The following PAPSS1 variants were observed in gnomAD, a reference collection of about 807,000 sequenced individuals.
PAPSS1 encodes the protein 3'-phosphoadenosine 5'-phosphosulfate synthase 1, also known as bifunctional 3'-phosphoadenosine 5'-phosphosulfate synthase 1.
Under a neutral mutation model 72.0 loss-of-function variants are expected in PAPSS1, and 50 were observed. The observed-to-expected ratio is 0.69, with a 90% CI of 0.55 to 0.88. PAPSS1 has a LOEUF of 0.88. Ranked by LOEUF, PAPSS1 falls within the 40% of genes least tolerant of loss-of-function variation. PAPSS1 has a pLI of 0.00. For missense variants in PAPSS1, 657 were observed against 782.2 expected, an observed-to-expected ratio of 0.84 and a Z score of 1.91; for synonymous variants, 261 against 263.6, an observed-to-expected ratio of 0.99 and a Z score of 0.09.
At chr4:107,645,259 C>T (rs546501735) in intron 9 of PAPSS1, among the ~76,000 whole-genome samples, 189 bp from the exon 10 acceptor site, 1 of 149,138 alleles carries the variant, frequency 6.7e-6, no homozygotes, top group South Asian at 2.1e-4. Flanking sequence ...ATGACCTATA[C>T]TTCTACTATA....
intron 2 of PAPSS1, among the ~76,000 whole-genome samples, chr4:107,695,918 G>A (rs138260942): frequency 0.015 from 2,291 of 152,210 alleles, 52 homozygotes; most frequent in African/African-American, 0.053. Context: ...CAAAGGATAT[G>A]AACAGACACT....
At chr4:107,639,696 T>A (rs963201644) in intron 10 of PAPSS1, among the ~76,000 whole-genome samples, 8 of 152,210 alleles carry the variant, frequency 5.3e-5, no homozygotes, top group African/African-American at 1.7e-4. Context: ...AACTTAGGTG[T>A]CTATGGCTTG....
chr4:107,628,613 T>C (rs1244701693), intron 11 of PAPSS1, among the ~76,000 whole-genome samples: 1 of 152,230 alleles, frequency 6.6e-6, no homozygotes, highest in Non-Finnish European at 1.5e-5. Context: ...ATTATCTGTT[T>C]TGCTTGTTGT....
chr4:107,667,232 G>A (rs149937291), intron 5 of PAPSS1, among the ~76,000 whole-genome samples: 423 of 152,314 alleles, frequency 2.8e-3, no homozygotes, highest in Non-Finnish European at 4.2e-3. Context: ...GAGGTACTGG[G>A]GGCTGGGGGT....
chr4:107,699,568 C>T (rs554914981), intron 2 of PAPSS1, among the ~76,000 whole-genome samples: 9 of 152,170 alleles, frequency 5.9e-5, no homozygotes, highest in Admixed American at 1.3e-4. Context: ...GGATCTGTCC[C>T]TCACACTATA....
intron 5 of PAPSS1, among the ~76,000 whole-genome samples, chr4:107,669,123 T>C (rs9307311): frequency 0.85 from 128,863 of 152,172 alleles, 55,947 homozygotes; most frequent in South Asian, 0.97. Flanking sequence ...GTGATAACAA[T>C]GAAGTTAAAT....
intron 5 of PAPSS1, among the ~76,000 whole-genome samples, chr4:107,681,113 G>C (rs570044886): frequency 1.3e-5 from 2 of 152,206 alleles, no homozygotes; most frequent in African/African-American, 4.8e-5. Context: ...AGATACACTA[G>C]ATGAAAGAGG....
At chr4:107,638,655 C>T (rs1726451897) in intron 10 of PAPSS1, among the ~76,000 whole-genome samples, 1 of 151,570 alleles carries the variant, frequency 6.6e-6, no homozygotes, top group African/African-American at 2.4e-5. Flanking sequence ...TCTCTGCCCT[C>T]CCACTGATTA....
At chr4:107,683,844 T>C (rs1022026457) in intron 4 of PAPSS1, among the ~76,000 whole-genome samples, 3 of 152,090 alleles carry the variant, frequency 2.0e-5, no homozygotes, top group South Asian at 2.1e-4. Context: ...AGCTTTGAAA[T>C]AGAGTTGATA....
In PAPSS1 at chr4:107,654,710, G is replaced by T. The variant is rs1166403273; in HGVS notation, c.1086C>A (p.Asn362Lys). 2 of 1,612,522 alleles carry T rather than the reference G, an allele frequency of 1.2e-6. No individual in the cohort carries two copies. Among genetic ancestry groups the T allele is most frequent in the African/African-American group, 2.7e-5 (2 of 74,826 alleles). Reference protein sequence around the residue: ...CARQWGTTCKNHPYIKMVMEQ... With the variant: ...CARQWGTTCKKHPYIKMVMEQ... ...TTTTCAGCACCTTAATATAGGGGTG[G>T]TTCTTGCATGTCGTTCCCCACTGTC... The change falls in exon 8 of 12, where the codon AAC becomes AAA. Residue 362 changes from asparagine to lysine, a missense_variant. Transcript: ENST00000265174.
intron 5 of PAPSS1, among the ~76,000 whole-genome samples, chr4:107,679,297 T>C (rs1235579510): frequency 1.3e-5 from 2 of 151,862 alleles, no homozygotes; most frequent in African/African-American, 4.8e-5. Flanking sequence ...CAGGGAACAC[T>C]GAGGATGAAG....
intron 1 of PAPSS1, among the ~76,000 whole-genome samples, chr4:107,710,147 A>G (rs1723449035): frequency 6.6e-6 from 1 of 152,178 alleles, no homozygotes; most frequent in Non-Finnish European, 1.5e-5. Context: ...AGGGTTGAGA[A>G]TGAGTTACTT....
chr4:107,680,592 T>A (rs1420520736), intron 5 of PAPSS1, among the ~76,000 whole-genome samples: 1 of 152,194 alleles, frequency 6.6e-6, no homozygotes, highest in African/African-American at 2.4e-5. Flanking sequence ...TCTGTTTCTA[T>A]CACTTATAAT....
Position 107,720,039 on chromosome 4 carries a change from G to A in PAPSS1, c.60+81C>T, listed in dbSNP as rs540481425. ...CTGGAAGGATGGATGCGGAGGAGGC[G>A]GGAGAGAGGCGGCGGCTCCGGAACG... is the stretch of plus-strand genomic sequence containing the variant. On this transcript the variant is annotated intron_variant, in intron 1 of 11. Coordinates refer to ENST00000265174, the MANE Select transcript of PAPSS1 (RefSeq NM_005443.5). 18 of 1,569,712 alleles carry A rather than the reference G, an allele frequency of 1.1e-5. No homozygotes were observed. In the African/African-American group the frequency reaches 1.4e-4, roughly 12 times the overall value.
chr4:107,697,002 A>T (rs191896613), intron 2 of PAPSS1, among the ~76,000 whole-genome samples: 1 of 152,298 alleles, frequency 6.6e-6, no homozygotes, highest in East Asian at 1.9e-4. Context: ...TGACACGATG[A>T]TGTGTGACTA....
intron 10 of PAPSS1, among the ~76,000 whole-genome samples, chr4:107,639,258 C>T (rs1247161584): frequency 6.6e-6 from 1 of 152,154 alleles, no homozygotes; most frequent in Non-Finnish European, 1.5e-5. Context: ...GTTTTCAAGA[C>T]ATATATAAGC....
At chr4:107,686,204 T>TCTGAGC (rs1241994794) in intron 4 of PAPSS1, among the ~76,000 whole-genome samples, 4 of 152,140 alleles carry the variant, frequency 2.6e-5, no homozygotes, top group African/African-American at 9.7e-5. Flanking sequence ...AAAAGCAAGG[T>TCTGAGC]GTAGAGCTGT....
chr4:107,654,365 T>C (rs1289181139), intron 8 of PAPSS1, among the ~76,000 whole-genome samples: 17 of 152,114 alleles, frequency 1.1e-4, no homozygotes, highest in Non-Finnish European at 2.9e-5. Flanking sequence ...ACACGCTCAT[T>C]ATAAGTACAT....
At chr4:107,706,691 T>C (rs1486215458) in intron 1 of PAPSS1, among the ~76,000 whole-genome samples, 1 of 152,196 alleles carries the variant, frequency 6.6e-6, no homozygotes, top group Non-Finnish European at 1.5e-5. Flanking sequence ...TCACATTTCT[T>C]GTTGTCTTAT....
Sources: gnomAD v4.1 joint callset for allele counts (sites outside exome capture counted in the v4.1 genomes callset) on GRCh38, gnomAD v4.1.1 for gene constraint, MANE v1.5 for transcripts, NCBI Gene and HGNC (gene_info 2026-07-23, HGNC 2026-07-21) for gene names.